Variants in GNAS-AS1 observed in about 807,000 individuals in gnomAD.
GNAS-AS1 encodes the protein GNAS antisense RNA 1.
chr20:58,849,242 C>T (rs1218439008), intron 1 of GNAS-AS1, among the ~76,000 whole-genome samples: 1 of 152,128 alleles, frequency 6.6e-6, no homozygotes, highest in Non-Finnish European at 1.5e-5. Flanking sequence ...CCAAATACCA[C>T]CAGTGCAGAG....
At chr20:58,848,467 T>C (rs910351765) in intron 2 of GNAS-AS1, among the ~76,000 whole-genome samples, 1 of 152,250 alleles carries the variant, frequency 6.6e-6, no homozygotes, top group Non-Finnish European at 1.5e-5. Context: ...TATTTATCTT[T>C]TCCCATGATG....
chr20:58,834,490 G>T (rs2085589214), intron 4 of GNAS-AS1: 1 of 152,268 alleles, frequency 6.6e-6, no homozygotes. Flanking sequence ...AGCAAGGCAG[G>T]GTGTCAGAGT....
intron 4 of GNAS-AS1, chr20:58,839,818 C>CT (rs1480178914): frequency 1.7e-6 from 1 of 593,110 alleles, no homozygotes; most frequent in East Asian, 2.8e-5. Context: ...GCTGCGGAAT[C>CT]TAAGACTCAG....
chr20:58,832,679 G>A (rs939204611), intron 4 of GNAS-AS1, among the ~76,000 whole-genome samples: 10 of 152,118 alleles, frequency 6.6e-5, no homozygotes, highest in Non-Finnish European at 1.2e-4. Flanking sequence ...ACCCACAGAA[G>A]GCCACAACAC....
At chr20:58,850,775 A>T (rs1426328880) in exon 1 of GNAS-AS1, 5 of 398,766 alleles carry the variant, frequency 1.3e-5, no homozygotes, top group African/African-American at 1.0e-4. Context: ...CTGTGGCATG[A>T]GGAAGAGTGA....
intron 4 of GNAS-AS1, among the ~76,000 whole-genome samples, chr20:58,822,268 A>G (rs2085491827): frequency 1.3e-5 from 2 of 152,220 alleles, no homozygotes; most frequent in Admixed American, 1.3e-4. Context: ...TTATAAGATA[A>G]TAATAGCTCC....
chr20:58,842,031 G>A (rs6100248), exon 4 of GNAS-AS1: 2 of 677,774 alleles, frequency 3.0e-6, no homozygotes, highest in Admixed American at 4.3e-5. Flanking sequence ...AAAGGAGGCA[G>A]GGGCCGGCGG....
intron 4 of GNAS-AS1, among the ~76,000 whole-genome samples, chr20:58,831,976 G>A (rs1181383981): frequency 6.6e-6 from 1 of 152,062 alleles, no homozygotes; most frequent in Non-Finnish European, 1.5e-5. Context: ...TTTGGGAACC[G>A]CTGACTTAGT....
chr20:58,827,140 C>T (rs2085526735), intron 4 of GNAS-AS1, among the ~76,000 whole-genome samples: 1 of 152,126 alleles, frequency 6.6e-6, no homozygotes, highest in South Asian at 2.1e-4. Context: ...TAGCCCTCTC[C>T]TTGTGGCAAA....
exon 5 of GNAS-AS1, chr20:58,818,978 T>G: frequency 2.5e-6 from 1 of 398,372 alleles, no homozygotes; most frequent in Non-Finnish European, 4.4e-6. Context: ...ACGCCCCATC[T>G]CCAATTCTAA....
At chr20:58,828,403 C>T (rs910830771) in intron 4 of GNAS-AS1, among the ~76,000 whole-genome samples, 1 of 152,230 alleles carries the variant, frequency 6.6e-6, no homozygotes, top group Non-Finnish European at 1.5e-5. Flanking sequence ...GCCCTTGGCT[C>T]ATGTTCCACC....
Position 58,841,800 on chromosome 20 carries a change from T to C in GNAS-AS1, n.819+137A>G. 3.3e-6 allele frequency: 4 copies of C among 1,230,722 alleles called. No individual in the cohort carries two copies. Among genetic ancestry groups the C allele is most frequent in the Non-Finnish European group, 4.0e-6 (4 of 987,856 alleles). 76.2% of individuals were successfully genotyped at this position (1,230,722 alleles called of 1,614,324 possible). A position where few individuals can be genotyped will look rare whatever the true frequency, so the allele number is the denominator to read the frequency against. On this transcript the variant is annotated intron_variant and non_coding_transcript_variant, in intron 4 of 4. Transcript: ENST00000424094. The surrounding 1 kb of genome is among the most constrained non-coding windows in gnomAD (Gnocchi z 5.0). ...CAGCTGGTCGGGTGGCCAGGCTGCA[T>C]GCGGCTTAGCAGGAGACGTCCTGGG...
intron 4 of GNAS-AS1, chr20:58,839,863 T>C (rs892386658): frequency 2.3e-5 from 14 of 596,000 alleles, no homozygotes; most frequent in South Asian, 1.4e-4. Context: ...AACTTTCCCC[T>C]TTTTTCCCAT....
intron 2 of GNAS-AS1, among the ~76,000 whole-genome samples, chr20:58,846,939 T>A (rs951178860): frequency 2.2e-4 from 33 of 152,296 alleles, no homozygotes; most frequent in African/African-American, 7.0e-4. Flanking sequence ...CAACCCCCAC[T>A]TTTGCCTCTC....
chr20:58,840,953 G>A lies in GNAS-AS1; in HGVS notation n.819+984C>T. 8 of 1,548,786 alleles carry A rather than the reference G, an allele frequency of 5.2e-6. No individual in the cohort carries two copies. Among genetic ancestry groups the A allele is most frequent in the Non-Finnish European group, 7.1e-6 (8 of 1,132,838 alleles). On this transcript the variant is annotated intron_variant and non_coding_transcript_variant, in intron 4 of 4. Transcript: ENST00000424094. This position sits in a 1 kb window ranked among gnomAD's most constrained non-coding sequence, Gnocchi z 6.0. ...TGGGAGCAGCGCAGGTGGAAAGGAGGTGAGAAGGAAAGGCAGGTCAGGGGC... is the reference window on the plus strand; with the variant it reads ...TGGGAGCAGCGCAGGTGGAAAGGAGATGAGAAGGAAAGGCAGGTCAGGGGC...
rs2085729942 is a variant in GNAS-AS1, at chr20:58,841,582, C to CA, written n.819+354dup. ...AGCCCGCCTCCCGTCGCTCGCGGGA[C>CA]AGAGACCGCCTCAAAGAGCGTGCGC... On this transcript the variant is annotated intron_variant and non_coding_transcript_variant, in intron 4 of 4. Coordinates refer to ENST00000424094, the Ensembl canonical transcript of GNAS-AS1. This position sits in a 1 kb window ranked among gnomAD's most constrained non-coding sequence, Gnocchi z 5.0. The CA allele has an allele frequency of 9.9e-6, 10 of 1,011,204 alleles. No individual in the cohort carries two copies. The highest frequency in any genetic ancestry group is 1.2e-5 in the Non-Finnish European group (10 of 847,586). 62.6% of individuals were successfully genotyped at this position (1,011,204 alleles called of 1,614,324 possible). A position where few individuals can be genotyped will look rare whatever the true frequency, so the allele number is the denominator to read the frequency against.
chr20:58,820,741 G>C (rs1036281634), intron 4 of GNAS-AS1, among the ~76,000 whole-genome samples: 1 of 152,280 alleles, frequency 6.6e-6, no homozygotes, highest in Admixed American at 6.5e-5. Context: ...CAGGCAAAGA[G>C]AGAGAGCGCT....
At position 58,822,199 on chromosome 20, in the gene GNAS-AS1, G is replaced by A. The variant is rs139109273; in HGVS notation, n.820-2944C>T. On this transcript the variant is annotated intron_variant and non_coding_transcript_variant, in intron 4 of 4. Transcript: ENST00000424094. ...CCAATGTCACAGCAAAGGCAAGGAG[G>A]CCCCGGCCAGAACTCAGTTGCTGGG... Among the ~76,000 whole-genome samples the A allele has an allele frequency of 5.9e-5, 9 of 152,322 alleles. No individual in the cohort carries two copies. In the East Asian group the frequency reaches 1.5e-3, roughly 26 times the overall value.
chr20:58,821,390 C>T (rs374428298), intron 4 of GNAS-AS1, among the ~76,000 whole-genome samples: 20 of 152,338 alleles, frequency 1.3e-4, no homozygotes, highest in African/African-American at 4.1e-4. Flanking sequence ...ATTTGAAAGG[C>T]GACCTCTGGA....
Sources: allele counts gnomAD v4.1 joint callset (sites outside exome capture counted in the v4.1 genomes callset), GRCh38; gene constraint gnomAD v4.1.1; non-coding constraint Gnocchi (gnomAD v3.1); transcripts MANE v1.5; gene names NCBI Gene and HGNC (gene_info 2026-07-23, HGNC 2026-07-21).